MYH7: variants seen among roughly 807,000 people sequenced by gnomAD.
MYH7 encodes the protein myosin-7.
In MYH7, 129 loss-of-function variants were observed where a neutral mutation model predicts 225.4. That is an observed-to-expected ratio of 0.57 (90% CI 0.50 to 0.66). MYH7 has a LOEUF of 0.66. Among genes scored for constraint, MYH7 ranks in the 30% least tolerant of loss-of-function variants. The pLI is 0.00. For synonymous variants in MYH7, 971 were observed against 1,007.6 expected (o/e 0.96, Z 0.69); for missense variants, 1,649 against 2,517.0 (o/e 0.66, Z 7.38).
At chr14:23,419,683 A>T (rs1488944801) in intron 27 of MYH7, 74 bp from the exon 28 acceptor site, 1 of 1,612,688 alleles carries the variant, frequency 6.2e-7, no homozygotes, top group Non-Finnish European at 8.5e-7. Flanking sequence ...GGTGCAACTG[A>T]AGGAGAAAAG....
chr14:23,430,799 C>A, intron 10 of MYH7, 102 bp downstream of exon 10: 2 of 1,245,434 alleles, frequency 1.6e-6, no homozygotes, highest in Non-Finnish European at 2.4e-6. Context: ...TTGAATCCAG[C>A]AGTGCCATGA....
intron 8 of MYH7, 40 bp from the exon 9 acceptor site, chr14:23,431,521 G>C: frequency 6.2e-7 from 1 of 1,613,526 alleles, no homozygotes; most frequent in Non-Finnish European, 8.5e-7. Flanking sequence ...TTGGGGGAAG[G>C]CTCATATCTG....
chr14:23,418,012 G>A (rs748052085), intron 30 of MYH7, 198 bp downstream of exon 30: 89 of 978,236 alleles, frequency 9.1e-5, no homozygotes, highest in Middle Eastern at 2.1e-4. Context: ...CCTTTTGTTC[G>A]TCTTATATTC....
intron 22 of MYH7, 128 bp from the exon 23 acceptor site, chr14:23,424,277 T>C (rs1203730047): frequency 1.6e-6 from 2 of 1,257,544 alleles, no homozygotes; most frequent in Non-Finnish European, 2.2e-6. Context: ...GGCAAGAGCT[T>C]CAGAAGTATG....
chr14:23,426,878 T>C lies in MYH7; in HGVS notation c.1957-14A>G, dbSNP rs753601698. 4 of 1,609,340 alleles carry C rather than the reference T, an allele frequency of 2.5e-6. No individual in the cohort carries two copies. Among genetic ancestry groups the C allele is most frequent in the African/African-American group, 1.3e-5 (1 of 74,350 alleles). ...GTTCAGATTTTCCTGTGGCCAAAAA[T>C]GCAATAGAGAAAAGTAAAGAAAATG... On this transcript the variant is annotated splice_polypyrimidine_tract_variant and intron_variant, in intron 17 of 39. Coordinates refer to ENST00000355349, the MANE Select transcript of MYH7 (RefSeq NM_000257.4).
At chr14:23,434,133 T>C in intron 2 of MYH7, 61 bp downstream of exon 2, 2 of 1,010,918 alleles carry the variant, frequency 2.0e-6, no homozygotes. Context: ...ATAGGCTGGC[T>C]TTGGGGCTCT....
chr14:23,419,998 G>C lies in MYH7; in HGVS notation c.3573C>G (p.Ala1191=). The C allele has an allele frequency of 6.3e-7, 1 of 1,597,252 alleles. No individual in the cohort carries two copies. Among genetic ancestry groups the C allele is most frequent in the South Asian group, 1.1e-5 (1 of 90,426 alleles). Residue 1191 remains alanine, a synonymous_variant, in exon 27 of 40, where the codon GCC becomes GCG. Coordinates refer to ENST00000355349, the MANE Select transcript of MYH7 (RefSeq NM_000257.4). The part of the protein sequence containing the change: ...ATLQHEATAA[A]LRKKHADSVA... ...CGCTGTCGGCGTGCTTCTTGCGCAG[G>C]GCCGCGGCAGTGGCCTCGTGCTGCA...
rs937434070 is a variant in MYH7, at chr14:23,435,653, A to C, written c.-98T>G. On this transcript the variant is annotated 5_prime_UTR_variant, in exon 1 of 40. Transcript: ENST00000355349. ...AGCAGGGAAAGACACAGAGCAGGAC[A>C]GAGCTGTGGAGCCAGACCTGGTCTC... 6.6e-6 allele frequency: 1 copy of C among 152,376 alleles called. No individual in the cohort carries two copies. The highest frequency in any genetic ancestry group is 2.4e-5 in the African/African-American group (1 of 41,438). The allele number at this position is 152,376 out of a possible 1,614,324, so 9.4% of individuals were successfully genotyped here.
rs569428750 is a variant in MYH7 at position 23,430,680 on chromosome 14, G to A, written c.896-17C>T. 1.4e-5 allele frequency: 23 copies of A among 1,601,420 alleles called. No homozygotes were observed. Among genetic ancestry groups the A allele is most frequent in the Non-Finnish European group, 1.7e-5 (20 of 1,168,676 alleles). Reference sequence around the variant, plus strand: ...GCAGCATGTCTAGGGGAAAAAACATGGTTAGGGTGGGACACAAGCCCCCGG... The same window carrying A: ...GCAGCATGTCTAGGGGAAAAAACATAGTTAGGGTGGGACACAAGCCCCCGG... On this transcript the variant is annotated splice_polypyrimidine_tract_variant and intron_variant, in intron 10 of 39. Transcript: ENST00000355349.
At position 23,412,962 on chromosome 14, in the gene MYH7, G is replaced by A. The variant is rs112832507; in HGVS notation, c.5791-91C>T. On this transcript the variant is annotated intron_variant, in intron 39 of 39. Transcript: ENST00000355349. ...GGAACAAAGGTGAGAGGGGTCTGAT[G>A]GTGGGGGGCCTGCTTTGTGGGCAGG... The A allele has an allele frequency of 4.5e-5, 61 of 1,342,324 alleles. No homozygotes were observed. In the African/African-American group the frequency reaches 7.0e-4, roughly 15 times the overall value. 83.2% of individuals were successfully genotyped at this position (1,342,324 alleles called of 1,614,324 possible). A position where few individuals can be genotyped will look rare whatever the true frequency, so the allele number is the denominator to read the frequency against.
intron 9 of MYH7, 137 bp from the exon 10 acceptor site, chr14:23,431,136 A>T: frequency 1.4e-6 from 1 of 739,598 alleles, no homozygotes; most frequent in Non-Finnish European, 2.4e-6. Flanking sequence ...ACACAAAGAG[A>T]TCACACAGAG....
rs730880750 is a variant in MYH7, at chr14:23,424,843, G to A, written c.2605C>T (p.Arg869Cys). The change falls in exon 22 of 40, where the codon CGC (arginine) becomes TGC (cysteine). Residue 869 changes from arginine to cysteine, a missense_variant. Physicochemically the swap from Arg to Cys is radical, Grantham distance 180. Coordinates refer to ENST00000355349, the MANE Select transcript of MYH7 (RefSeq NM_000257.4). ...LKEALEKSEA[R>C]RKELEEKMVS... ...ATCTTCTCCTCCAGCTCCTTGCGGC[G>A]AGCCTCGGACTTCTCTAGCGCCTCT... 3 of 1,614,072 alleles carry A rather than the reference G, an allele frequency of 1.9e-6. No individual in the cohort carries two copies. Among genetic ancestry groups the A allele is most frequent in the East Asian group, 2.2e-5 (1 of 44,888 alleles).
At chr14:23,417,468 C>G in intron 31 of MYH7, 35 bp downstream of exon 31, 3 of 1,612,284 alleles carry the variant, frequency 1.9e-6, no homozygotes, top group Non-Finnish European at 2.5e-6. Flanking sequence ...CCCCCTTGCC[C>G]TGCATGCTGG....
At chr14:23,421,818 G>T (rs906036231) in intron 25 of MYH7, 1 of 983,058 alleles carries the variant, frequency 1.0e-6, no homozygotes, top group Non-Finnish European at 1.2e-6. Context: ...TCTGTGAAAA[G>T]CCACAAAGGG....
chr14:23,427,403 G>T, intron 16 of MYH7, 96 bp from the exon 17 acceptor site: 1 of 1,528,008 alleles, frequency 6.5e-7, no homozygotes, highest in Non-Finnish European at 9.0e-7. Context: ...GCTGGCATTT[G>T]GCCCCTGGGT....
At position 23,425,151 on chromosome 14, in the gene MYH7, G is replaced by A. The variant is rs901693994; in HGVS notation, c.2424-127C>T. 6.2e-5 allele frequency: 99 copies of A among 1,595,820 alleles called. No individual in the cohort carries two copies. In the South Asian group the frequency reaches 7.2e-4, roughly 12 times the overall value. Reference sequence around the variant, plus strand: ...TCCTGAGGCCTCTGACCCTGTGACTGCAGTGTGTTCATATGAGCCCCTCCT... The same window carrying A: ...TCCTGAGGCCTCTGACCCTGTGACTACAGTGTGTTCATATGAGCCCCTCCT... On this transcript the variant is annotated intron_variant, in intron 21 of 39. Transcript: ENST00000355349. The surrounding 1 kb of genome is among the most constrained non-coding windows in gnomAD (Gnocchi z 4.6).
At position 23,424,063 on chromosome 14, in the gene MYH7, C is replaced by G; in HGVS notation, c.2766G>C (p.Met922Ile). 2 of 1,614,254 alleles carry G rather than the reference C, an allele frequency of 1.2e-6. No individual in the cohort carries two copies. The highest frequency in any genetic ancestry group is 1.7e-6 in the Non-Finnish European group (2 of 1,180,046). The part of the protein sequence containing the change: ...KIQLEAKVKE[M>I]NERLEDEEEM... ...CCTCCTCATCCTCCAGCCTCTCGTTCATCTCCTTCACCTTGGCCTCCAGCT... is the reference window on the plus strand; with the variant it reads ...CCTCCTCATCCTCCAGCCTCTCGTTGATCTCCTTCACCTTGGCCTCCAGCT... The change falls in exon 23 of 40, where the codon ATG becomes ATC. Residue 922 changes from methionine to isoleucine, a missense_variant. By Grantham distance (10) the Met-to-Ile change is conservative. Around this residue, in one of 12 missense-constraint regions of MYH7, gnomAD observed 282 missense variants for 315.3 expected, o/e 0.89. Coordinates refer to ENST00000355349, the MANE Select transcript of MYH7 (RefSeq NM_000257.4).
At chr14:23,417,419 C>A in intron 31 of MYH7, 84 bp downstream of exon 31, 1 of 1,611,780 alleles carries the variant, frequency 6.2e-7, no homozygotes, top group Non-Finnish European at 8.5e-7. Flanking sequence ...CCCCCACCTC[C>A]AAGGAGGATG....
chr14:23,417,846 G>A, intron 30 of MYH7, 160 bp from the exon 31 acceptor site: 1 of 1,086,836 alleles, frequency 9.2e-7, no homozygotes. Context: ...TCAGGCAGAG[G>A]ATCCCAGCAG....
Sources: gnomAD v4.1 joint callset for allele counts on GRCh38, gnomAD v4.1.1 for gene constraint, gnomAD v4.1.1 regional missense constraint, Gnocchi (gnomAD v3.1) non-coding constraint, MANE v1.5 for transcripts, NCBI Gene and HGNC (gene_info 2026-07-23, HGNC 2026-07-21) for gene names.